LRP6: variants seen among roughly 807,000 people sequenced by gnomAD.
LRP6 encodes LDL receptor related protein 6.
A neutral mutation model predicts 184.1 loss-of-function variants in LRP6; 43 were observed. The observed-to-expected ratio is 0.23, with a 90% CI of 0.18 to 0.30. The LOEUF (loss-of-function observed/expected upper bound fraction) is 0.30, where lower values mean the gene tolerates loss of function less well. Ranked by LOEUF, LRP6 falls within the 10% of genes least tolerant of loss-of-function variation. The pLI, the probability that LRP6 is intolerant of heterozygous loss-of-function variation, is 1.00. For missense variants in LRP6, 1,571 were observed against 2,005.3 expected, an observed-to-expected ratio of 0.78 and a Z score of 4.14; for synonymous variants, 719 against 684.9, an observed-to-expected ratio of 1.05 and a Z score of -0.78.
intron 3 of LRP6, among the ~76,000 whole-genome samples, chr12:12,197,938 G>A (rs894808048): frequency 6.6e-6 from 1 of 152,172 alleles, no homozygotes; most frequent in Non-Finnish European, 1.5e-5. Context: ...CAGCTACTTG[G>A]GAGGCTCAAG....
Position 12,121,106 on chromosome 12 carries a change from C to G in LRP6, c.*20G>C. On this transcript the variant is annotated 3_prime_UTR_variant, in exon 23 of 23. Coordinates refer to ENST00000261349, the MANE Select transcript of LRP6 (RefSeq NM_002336.3). ...TTTACATTTTTACGTTGGAGGCAGTCAGAGGAGGAGGGCCCCTCCTCAGGA... is the reference window on the plus strand; with the variant it reads ...TTTACATTTTTACGTTGGAGGCAGTGAGAGGAGGAGGGCCCCTCCTCAGGA... 6.4e-7 allele frequency: 1 copy of G among 1,572,298 alleles called. No individual in the cohort carries two copies. The highest frequency in any genetic ancestry group is 8.6e-7 in the Non-Finnish European group (1 of 1,158,608).
At chr12:12,203,662 G>A (rs1187940614) in intron 2 of LRP6, among the ~76,000 whole-genome samples, 1 of 152,136 alleles carries the variant, frequency 6.6e-6, no homozygotes, top group Non-Finnish European at 1.5e-5. Flanking sequence ...TGGCTACTCA[G>A]GAGGCTGAGG....
chr12:12,253,460 A>G (rs1480179790), intron 1 of LRP6, among the ~76,000 whole-genome samples: 1 of 151,896 alleles, frequency 6.6e-6, no homozygotes, highest in Non-Finnish European at 1.5e-5. Flanking sequence ...GTTCTAGGGT[A>G]CATGTGCACA....
intron 1 of LRP6, among the ~76,000 whole-genome samples, chr12:12,245,048 A>G (rs1865152656): frequency 6.6e-6 from 1 of 152,238 alleles, no homozygotes; most frequent in Admixed American, 6.5e-5. Context: ...CATACAACCT[A>G]CTATACAATC....
chr12:12,228,578 ACAG>A lies in LRP6; in HGVS notation c.449+15681_449+15683del, dbSNP rs56878713. On this transcript the variant is annotated intron_variant, in intron 2 of 22. Transcript: ENST00000261349. Reference sequence around the variant, plus strand: ...CAGTGGCCTGCTAGGAACTGGCCGCACAGCAGGTGAGCAGCAGGCAAGCGAGCA... The same window carrying A: ...CAGTGGCCTGCTAGGAACTGGCCGCACAGGTGAGCAGCAGGCAAGCGAGCA... Among the ~76,000 whole-genome samples, 7 of 152,266 alleles carry A rather than the reference ACAG, an allele frequency of 4.6e-5. No homozygotes were observed. The East Asian group carries it at 1.4e-3, about 29-fold the overall frequency.
At chr12:12,155,267 G>T in intron 12 of LRP6, 1 of 744,688 alleles carries the variant, frequency 1.3e-6, no homozygotes, top group South Asian at 1.4e-5. Context: ...CCAAAATGAT[G>T]AACACAAAGG....
chr12:12,254,510 TAAAC>T (rs1865413749), intron 1 of LRP6, among the ~76,000 whole-genome samples: 1 of 152,164 alleles, frequency 6.6e-6, no homozygotes, highest in Admixed American at 6.5e-5. Context: ...TAAACCGAAA[TAAAC>T]ACTTATCTTT....
chr12:12,128,055 C>T (rs1418999248), intron 19 of LRP6, among the ~76,000 whole-genome samples: 2 of 152,222 alleles, frequency 1.3e-5, no homozygotes, highest in Admixed American at 6.5e-5. Context: ...TTTACATTCA[C>T]TACCCTCAAT....
chr12:12,143,807 T>C (rs1443720265), intron 15 of LRP6, among the ~76,000 whole-genome samples: 1 of 152,252 alleles, frequency 6.6e-6, no homozygotes, highest in Non-Finnish European at 1.5e-5. Flanking sequence ...TTTGTACCTT[T>C]GCAGAAGACA....
chr12:12,215,469 A>T (rs1409131839), intron 2 of LRP6, among the ~76,000 whole-genome samples: 1 of 151,840 alleles, frequency 6.6e-6, no homozygotes, highest in Non-Finnish European at 1.5e-5. Context: ...CTTGTTGCCC[A>T]AACTGGAGTG....
chr12:12,119,995 AT>A lies in LRP6; in HGVS notation c.*1130del, dbSNP rs1949577630. 1.5e-3 allele frequency: 26 copies of A among 17,210 alleles called. No individual in the cohort carries two copies. The highest frequency in any genetic ancestry group is 2.5e-3 in the Non-Finnish European group (19 of 7,548). The allele number at this position is 17,210 out of a possible 1,614,324, so 1.1% of individuals were successfully genotyped here. On this transcript the variant is annotated 3_prime_UTR_variant, in exon 23 of 23. Coordinates refer to ENST00000261349, the MANE Select transcript of LRP6 (RefSeq NM_002336.3). ...GAAAACAAACAAACAAACAAAATATATATATATATATATATATATATATATA... is the reference window on the plus strand; with the variant it reads ...GAAAACAAACAAACAAACAAAATATAATATATATATATATATATATATATA...
At chr12:12,173,647 T>C (rs1329716869) in intron 7 of LRP6, among the ~76,000 whole-genome samples, 1 of 152,090 alleles carries the variant, frequency 6.6e-6, no homozygotes, top group Non-Finnish European at 1.5e-5. Context: ...CCAGCTAATT[T>C]TTATTTTCTG....
chr12:12,173,090 T>C (rs1359576762), intron 7 of LRP6, among the ~76,000 whole-genome samples: 1 of 152,166 alleles, frequency 6.6e-6, no homozygotes, highest in Non-Finnish European at 1.5e-5. Context: ...GAGCTAAAAA[T>C]TGCTACTGTG....
At chr12:12,240,115 A>G (rs920473513) in intron 2 of LRP6, among the ~76,000 whole-genome samples, 17 of 152,140 alleles carry the variant, frequency 1.1e-4, no homozygotes, top group African/African-American at 3.9e-4. Flanking sequence ...ATGCCATTCA[A>G]GCTAAACCCA....
At chr12:12,185,651 G>C (rs1241916449) in intron 4 of LRP6, among the ~76,000 whole-genome samples, 3 of 152,126 alleles carry the variant, frequency 2.0e-5, no homozygotes, top group African/African-American at 7.2e-5. Flanking sequence ...GTTCTCAGCA[G>C]TCATAGCCCG....
intron 1 of LRP6, among the ~76,000 whole-genome samples, chr12:12,245,362 T>C (rs895483569): frequency 2.0e-5 from 3 of 152,158 alleles, no homozygotes; most frequent in African/African-American, 7.2e-5. Flanking sequence ...ATATAAACTT[T>C]TACAAAAGGC....
At chr12:12,257,208 A>G (rs550679044) in intron 1 of LRP6, among the ~76,000 whole-genome samples, 2 of 152,298 alleles carry the variant, frequency 1.3e-5, no homozygotes, top group African/African-American at 4.8e-5. Context: ...AGTATACTAA[A>G]AGCCACCGAA....
intron 3 of LRP6, chr12:12,187,551 A>G (rs1462575281): frequency 1.4e-5 from 3 of 215,262 alleles, no homozygotes; most frequent in African/African-American, 2.3e-5. Flanking sequence ...ACTGAAGTAG[A>G]TTTATATCAG....
rs569201461 is a variant in LRP6 at position 12,143,240 on chromosome 12, T to G, written c.3397+4126A>C. ...ATAGGCAAGACCTCTATGCTGAAAA[T>G]TATAAAACATTAAGAGAAATTAAAG... On this transcript the variant is annotated intron_variant, in intron 15 of 22. Coordinates refer to ENST00000261349, the MANE Select transcript of LRP6 (RefSeq NM_002336.3). Among the ~76,000 whole-genome samples, 3 of 152,144 alleles carry G rather than the reference T, an allele frequency of 2.0e-5. No individual in the cohort carries two copies. In the South Asian group the frequency reaches 6.2e-4, roughly 32 times the overall value.
Sources: allele counts gnomAD v4.1 joint callset (sites outside exome capture counted in the v4.1 genomes callset), GRCh38; gene constraint gnomAD v4.1.1; transcripts MANE v1.5; gene names NCBI Gene and HGNC (gene_info 2026-07-23, HGNC 2026-07-21).